Variants in ADAM12 observed in about 807,000 individuals in gnomAD.
ADAM12 encodes the protein ADAM metallopeptidase domain 12.
Under a neutral mutation model 106.4 loss-of-function variants are expected in ADAM12, and 70 were observed. That is an observed-to-expected ratio of 0.66 (90% CI 0.54 to 0.80). The LOEUF is 0.80. Ranked by LOEUF, ADAM12 falls within the 30% of genes least tolerant of loss-of-function variation. The probability of loss-of-function intolerance (pLI) is 0.00; values close to 1 mark genes in which losing one functional copy is unlikely to be tolerated. For synonymous variants in ADAM12, 420 were observed against 433.5 expected, an observed-to-expected ratio of 0.97 and a Z score of 0.39; for missense variants, 1,010 against 1,171.9, an observed-to-expected ratio of 0.86 and a Z score of 2.02.
At chr10:126,135,513 A>C in intron 5 of ADAM12, 71 bp downstream of exon 5, 2 of 1,446,032 alleles carry the variant, frequency 1.4e-6, no homozygotes, top group Non-Finnish European at 1.9e-6. Context: ...CTTTAGCACG[A>C]GCAGGAAAAG....
chr10:126,155,390 A>C, intron 3 of ADAM12, 85 bp from the exon 4 acceptor site: 1 of 1,276,472 alleles, frequency 7.8e-7, no homozygotes, highest in Non-Finnish European at 1.1e-6. Context: ...ATAGGGTAGC[A>C]AGATTGTGAC....
intron 21 of ADAM12, among the ~76,000 whole-genome samples, chr10:126,033,284 A>C (rs1954001765): frequency 1.3e-5 from 2 of 152,200 alleles, no homozygotes; most frequent in Non-Finnish European, 2.9e-5. Context: ...TTGCCAGCAT[A>C]CCATTGGCTA....
chr10:126,276,752 T>TA (rs1449821005), intron 3 of ADAM12, among the ~76,000 whole-genome samples: 1 of 152,180 alleles, frequency 6.6e-6, no homozygotes, highest in Admixed American at 6.5e-5. Flanking sequence ...AGAAATAAAT[T>TA]AAAAAGATAG....
chr10:126,331,963 G>A (rs1279895139), intron 1 of ADAM12, among the ~76,000 whole-genome samples: 1 of 152,146 alleles, frequency 6.6e-6, no homozygotes, highest in Non-Finnish European at 1.5e-5. Flanking sequence ...TGCAACCACT[G>A]GCAGCATGGA....
At chr10:126,177,101 T>A (rs1185270255) in intron 3 of ADAM12, among the ~76,000 whole-genome samples, 1 of 152,146 alleles carries the variant, frequency 6.6e-6, no homozygotes, top group Non-Finnish European at 1.5e-5. Context: ...TTGGTATTAT[T>A]CATTTATGGC....
At chr10:126,247,976 G>T (rs1958662348) in intron 3 of ADAM12, among the ~76,000 whole-genome samples, 1 of 152,224 alleles carries the variant, frequency 6.6e-6, no homozygotes, top group Admixed American at 6.5e-5. Context: ...TCAGAATGGT[G>T]TCTGTGGGCC....
intron 14 of ADAM12, among the ~76,000 whole-genome samples, chr10:126,063,899 A>G (rs563299108): frequency 3.9e-5 from 6 of 152,204 alleles, no homozygotes; most frequent in Admixed American, 1.3e-4. Context: ...TCCCTTTTGC[A>G]TCTGAGCTTC....
chr10:126,042,354 C>T (rs1008241305), intron 18 of ADAM12: 107 of 1,326,222 alleles, frequency 8.1e-5, no homozygotes, highest in Non-Finnish European at 9.9e-5. Context: ...GAAATGGCCA[C>T]GAGTTCAAGC....
chr10:126,049,593 G>A lies in ADAM12; in HGVS notation c.1686C>T (p.Val562=), dbSNP rs1396177260. The A allele has an allele frequency of 6.2e-7, 1 of 1,614,160 alleles. No individual in the cohort carries two copies. The highest frequency in any genetic ancestry group is 1.7e-5 in the Admixed American group (1 of 60,030). The change falls in exon 15 of 23, where the codon GTC becomes GTT. Residue 562 remains valine (V), a synonymous_variant. Transcript: ENST00000448723. This position sits in a 1 kb window ranked among gnomAD's most constrained non-coding sequence, Gnocchi z 4.4. ...AGDPYGNCGK[V]SKSSFAKCEM... Reference sequence around the variant, plus strand: ...CGCATTTGGCAAAGGAACTCTTCGAGACTTTGCCACAGTTGCCATAAGGAT... The same window carrying A: ...CGCATTTGGCAAAGGAACTCTTCGAAACTTTGCCACAGTTGCCATAAGGAT...
chr10:126,209,169 T>A (rs1315994190), intron 3 of ADAM12, among the ~76,000 whole-genome samples: 1 of 152,238 alleles, frequency 6.6e-6, no homozygotes, highest in Non-Finnish European at 1.5e-5. Context: ...GATATTTTCA[T>A]CTTCTAATTG....
At chr10:126,324,740 G>A (rs1368976252) in intron 2 of ADAM12, among the ~76,000 whole-genome samples, 1 of 152,150 alleles carries the variant, frequency 6.6e-6, no homozygotes, top group Non-Finnish European at 1.5e-5. Context: ...AATTAAGTGG[G>A]AGGCAGAGTC....
intron 3 of ADAM12, among the ~76,000 whole-genome samples, chr10:126,233,915 A>G (rs368216909): frequency 2.0e-5 from 3 of 152,232 alleles, no homozygotes; most frequent in African/African-American, 7.2e-5. Flanking sequence ...CTAAGGTTCT[A>G]TAAAGGAAAA....
intron 3 of ADAM12, among the ~76,000 whole-genome samples, chr10:126,258,649 G>A (rs1436303102): frequency 6.6e-6 from 1 of 152,008 alleles, no homozygotes; most frequent in Non-Finnish European, 1.5e-5. Context: ...CCCATGCCCT[G>A]GCATTCGGCC....
intron 3 of ADAM12, among the ~76,000 whole-genome samples, chr10:126,160,741 C>T (rs188053544): frequency 6.6e-6 from 1 of 152,172 alleles, no homozygotes; most frequent in Non-Finnish European, 1.5e-5. Flanking sequence ...AATCCCAACG[C>T]CTCCCGATGG....
Position 126,066,896 on chromosome 10 carries a change from G to T in ADAM12, c.1324-90C>A. On this transcript the variant is annotated intron_variant, in intron 12 of 22. Coordinates refer to ENST00000448723, the MANE Select transcript of ADAM12 (RefSeq NM_001288973.2). This position sits in a 1 kb window ranked among gnomAD's most constrained non-coding sequence, Gnocchi z 5.1. ...ATCACACCTTAAATGGCTGCAAAAA[G>T]CAAGAAAGACCAAGAGGGCCCAGCT... The T allele has an allele frequency of 7.8e-7, 1 of 1,286,762 alleles. No individual in the cohort carries two copies. The highest frequency in any genetic ancestry group is 1.1e-6 in the Non-Finnish European group (1 of 903,210). 79.7% of individuals were successfully genotyped at this position (1,286,762 alleles called of 1,614,324 possible). A position where few individuals can be genotyped will look rare whatever the true frequency, so the allele number is the denominator to read the frequency against.
At chr10:126,221,565 T>C (rs1226288420) in intron 3 of ADAM12, among the ~76,000 whole-genome samples, 1 of 152,170 alleles carries the variant, frequency 6.6e-6, no homozygotes, top group Non-Finnish European at 1.5e-5. Context: ...TTTTATATTA[T>C]AACATGTGGA....
chr10:126,260,787 C>T (rs889646421), intron 3 of ADAM12, among the ~76,000 whole-genome samples: 1 of 152,100 alleles, frequency 6.6e-6, no homozygotes, highest in Non-Finnish European at 1.5e-5. Context: ...ATCATGTCCA[C>T]CCCAAAGCAC....
chr10:126,258,278 C>T (rs1406094634), intron 3 of ADAM12, among the ~76,000 whole-genome samples: 4 of 152,168 alleles, frequency 2.6e-5, no homozygotes, highest in Admixed American at 6.5e-5. Flanking sequence ...TGAGTCATCT[C>T]ACAGTTTTCT....
At chr10:126,127,234 A>C (rs1003386662) in intron 5 of ADAM12, among the ~76,000 whole-genome samples, 2 of 152,166 alleles carry the variant, frequency 1.3e-5, no homozygotes, top group African/African-American at 2.4e-5. Context: ...ACACCTGGCC[A>C]GAGGTTGGAG....
Sources: allele counts gnomAD v4.1 joint callset (sites outside exome capture counted in the v4.1 genomes callset), GRCh38; gene constraint gnomAD v4.1.1; non-coding constraint Gnocchi (gnomAD v3.1); transcripts MANE v1.5; gene names NCBI Gene and HGNC (gene_info 2026-07-23, HGNC 2026-07-21).